Variants in AKR1B1 observed in about 807,000 individuals in gnomAD.
The protein encoded by AKR1B1 is aldo-keto reductase family 1 member B.
In AKR1B1, 22 loss-of-function variants were observed where a neutral mutation model predicts 40.4. That is an observed-to-expected ratio of 0.54 (90% CI 0.39 to 0.78). AKR1B1 has a LOEUF of 0.78. Ranked by LOEUF, AKR1B1 falls within the 30% of genes least tolerant of loss-of-function variation. AKR1B1 has a pLI of 0.00. For synonymous variants in AKR1B1, 157 were observed against 149.9 expected (o/e 1.05, Z -0.35); for missense variants, 357 against 396.7 (o/e 0.90, Z 0.85).
At chr7:134,452,912 TC>T (rs1179497116) in intron 1 of AKR1B1, among the ~76,000 whole-genome samples, 2 of 152,112 alleles carry the variant, frequency 1.3e-5, no homozygotes, top group African/African-American at 4.8e-5. Flanking sequence ...GTGGGGATGC[TC>T]ATCGAAGGTG....
chr7:134,449,229 G>T, intron 4 of AKR1B1, 110 bp from the exon 5 acceptor site: 1 of 1,447,824 alleles, frequency 6.9e-7, no homozygotes, highest in Non-Finnish European at 9.6e-7. Flanking sequence ...CAGTGCCAGT[G>T]AATTAGACCT....
Position 134,448,062 on chromosome 7 carries a change from C to A in AKR1B1, c.660-1G>T, listed in dbSNP as rs756843889. 1 of 1,611,146 alleles carries A rather than the reference C, an allele frequency of 6.2e-7. No individual in the cohort carries two copies. Among genetic ancestry groups the A allele is most frequent in the African/African-American group, 1.3e-5 (1 of 74,820 alleles). On this transcript the variant is annotated splice_acceptor_variant, in intron 6 of 9. Coordinates refer to ENST00000285930, the MANE Select transcript of AKR1B1 (RefSeq NM_001628.4). LOFTEE classifies it high-confidence loss of function. ...GAGAGAAGGGTCCTCGGGCTTGGCCCTGAGGATAGAAAGACAGTCCAGGTC... is the reference window on the plus strand; with the variant it reads ...GAGAGAAGGGTCCTCGGGCTTGGCCATGAGGATAGAAAGACAGTCCAGGTC...
chr7:134,449,265 G>C, intron 4 of AKR1B1, 146 bp from the exon 5 acceptor site: 1 of 1,211,114 alleles, frequency 8.3e-7, no homozygotes, highest in South Asian at 1.2e-5. Context: ...ACAGTGAGAC[G>C]AAAGCCAGGC....
intron 6 of AKR1B1, 109 bp downstream of exon 6, chr7:134,448,278 G>T: frequency 1.8e-6 from 2 of 1,091,668 alleles, no homozygotes; most frequent in Non-Finnish European, 2.7e-6. Context: ...CTCAGGGGAA[G>T]TTTTGCAGAT....
intron 1 of AKR1B1, among the ~76,000 whole-genome samples, chr7:134,457,406 G>A (rs915675903): frequency 1.3e-5 from 2 of 152,114 alleles, no homozygotes; most frequent in Non-Finnish European, 2.9e-5. Context: ...AGCATAACAT[G>A]CAACAGATGG....
At position 134,449,072 on chromosome 7, in the gene AKR1B1, G is replaced by T. The variant is rs746128224; in HGVS notation, c.477C>A (p.Ile159=). Residue 159 remains isoleucine (I), a synonymous_variant, in exon 5 of 10, where the codon ATC becomes ATA. Transcript: ENST00000285930. ...VDEGLVKAIG[I]SNFNHLQVEM... ...CCACCTGGAGATGGTTGAAGTTGGAGATGCCAATAGCTTTCACCAGCCCTT... is the reference window on the plus strand; with the variant it reads ...CCACCTGGAGATGGTTGAAGTTGGATATGCCAATAGCTTTCACCAGCCCTT... The T allele has an allele frequency of 6.2e-7, 1 of 1,614,088 alleles. No homozygotes were observed. The highest frequency in any genetic ancestry group is 1.1e-5 in the South Asian group (1 of 91,074).
intron 8 of AKR1B1, among the ~76,000 whole-genome samples, chr7:134,447,012 G>A (rs538551138): frequency 1.3e-5 from 2 of 152,252 alleles, no homozygotes; most frequent in East Asian, 3.9e-4. Context: ...TGAAGCTCAA[G>A]AGCGAGATTC....
intron 1 of AKR1B1, among the ~76,000 whole-genome samples, chr7:134,458,107 T>G (rs1163729280): frequency 6.6e-6 from 1 of 152,216 alleles, no homozygotes; most frequent in Non-Finnish European, 1.5e-5. Flanking sequence ...TCAGCTCCCA[T>G]ACCACCACCT....
At chr7:134,443,900 C>T (rs1039301570) in intron 9 of AKR1B1, among the ~76,000 whole-genome samples, 4 of 152,050 alleles carry the variant, frequency 2.6e-5, no homozygotes, top group African/African-American at 9.7e-5. Context: ...CCTAGGAGAC[C>T]TGAGCATGTC....
Position 134,445,337 on chromosome 7 carries a change from A to C in AKR1B1, c.826-17T>G. The C allele has an allele frequency of 6.2e-7, 1 of 1,600,834 alleles. No homozygotes were observed. The highest frequency in any genetic ancestry group is 1.1e-5 in the South Asian group (1 of 89,118). ...GTCAAAGACCTAAAAAACAAACAAA[A>C]AAATCCAGTAAGCTCTGCAAATAAA... On this transcript the variant is annotated splice_polypyrimidine_tract_variant and intron_variant, in intron 8 of 9. Transcript: ENST00000285930.
chr7:134,451,500 G>T, intron 2 of AKR1B1, 86 bp downstream of exon 2: 1 of 1,490,032 alleles, frequency 6.7e-7, no homozygotes, highest in Non-Finnish European at 9.4e-7. Flanking sequence ...AAGTGTAGCT[G>T]TATTGAGTGT....
intron 1 of AKR1B1, among the ~76,000 whole-genome samples, chr7:134,458,605 C>T (rs1226758384): frequency 1.3e-5 from 2 of 152,190 alleles, no homozygotes; most frequent in Non-Finnish European, 2.9e-5. Context: ...ACGTCCCTGT[C>T]TGCGCCCGAG....
intron 4 of AKR1B1, 83 bp downstream of exon 4, chr7:134,449,637 A>T: frequency 9.1e-7 from 1 of 1,095,636 alleles, no homozygotes; most frequent in Admixed American, 1.7e-5. Flanking sequence ...ACAAAATGCA[A>T]TGTGAGAAAT....
chr7:134,452,480 G>C (rs543208237), intron 1 of AKR1B1, among the ~76,000 whole-genome samples: 74 of 152,344 alleles, frequency 4.9e-4, no homozygotes, highest in African/African-American at 1.6e-3. Context: ...CTGGCAAAAT[G>C]ACTGAATGGG....
At chr7:134,458,971 G>C in intron 1 of AKR1B1, 26 bp downstream of exon 1, 1 of 1,597,062 alleles carries the variant, frequency 6.3e-7, no homozygotes, top group Non-Finnish European at 8.5e-7. Context: ...GGCGAGCCCC[G>C]GGCCCGCGCC....
intron 8 of AKR1B1, 31 bp downstream of exon 8, chr7:134,447,267 G>T (rs757007892): frequency 1.3e-6 from 2 of 1,584,068 alleles, no homozygotes; most frequent in Non-Finnish European, 1.7e-6. Flanking sequence ...CTCCATGGAG[G>T]AGGGCCAGGC....
chr7:134,448,810 CTCTT>C (rs2117452504), intron 5 of AKR1B1, among the ~76,000 whole-genome samples, 183 bp downstream of exon 5: 1 of 152,304 alleles, frequency 6.6e-6, no homozygotes, highest in East Asian at 1.9e-4. Flanking sequence ...CAGGCTCAAA[CTCTT>C]TCTTTCCTGT....
At chr7:134,450,290 C>T (rs1806243630) in intron 3 of AKR1B1, among the ~76,000 whole-genome samples, 1 of 152,212 alleles carries the variant, frequency 6.6e-6, no homozygotes, top group Non-Finnish European at 1.5e-5. Context: ...AGAAAAAAGG[C>T]AAAAGACAAA....
chr7:134,451,010 T>C, intron 2 of AKR1B1, 108 bp from the exon 3 acceptor site: 4 of 862,170 alleles, frequency 4.6e-6, no homozygotes, highest in South Asian at 4.2e-5. Flanking sequence ...TTTACCATGA[T>C]GCTGTGAATG....
Sources: allele counts gnomAD v4.1 joint callset (sites outside exome capture counted in the v4.1 genomes callset), GRCh38; gene constraint gnomAD v4.1.1; transcripts MANE v1.5; gene names NCBI Gene and HGNC (gene_info 2026-07-23, HGNC 2026-07-21).